RIMS2: variants seen among roughly 807,000 people sequenced by gnomAD.
RIMS2 encodes the protein regulating synaptic membrane exocytosis 2.
A neutral mutation model predicts 174.4 loss-of-function variants in RIMS2; 59 were observed. The observed-to-expected ratio is 0.34, with a 90% CI of 0.27 to 0.42. The LOEUF is 0.42. RIMS2 is among the 10% of genes least tolerant of loss of function. The pLI is 1.00. For synonymous variants in RIMS2, 606 were observed against 572.5 expected, an observed-to-expected ratio of 1.06 and a Z score of -0.84; for missense variants, 1,620 against 1,666.3, an observed-to-expected ratio of 0.97 and a Z score of 0.48.
chr8:104,225,784 G>A (rs969244809), intron 19 of RIMS2, among the ~76,000 whole-genome samples: 4 of 152,114 alleles, frequency 2.6e-5, no homozygotes, highest in African/African-American at 9.7e-5. Context: ...GGGAAACGGC[G>A]TTTTTAAAGT....
At chr8:103,928,236 C>CTAAG (rs1202932607) in intron 11 of RIMS2, among the ~76,000 whole-genome samples, 8 of 151,446 alleles carry the variant, frequency 5.3e-5, no homozygotes, top group Non-Finnish European at 1.2e-4. Context: ...CTTTATTACA[C>CTAAG]TAAGGTTGCT....
At chr8:104,072,305 G>T (rs2097209749) in intron 19 of RIMS2, among the ~76,000 whole-genome samples, 1 of 151,614 alleles carries the variant, frequency 6.6e-6, no homozygotes. Context: ...TTTGATGAGG[G>T]CTATTTAGCT....
intron 19 of RIMS2, among the ~76,000 whole-genome samples, chr8:104,030,609 C>G (rs1255589271): frequency 1.3e-5 from 2 of 152,084 alleles, no homozygotes; most frequent in African/African-American, 2.4e-5. Flanking sequence ...GACCTCCATG[C>G]TTTTCTGGAA....
At chr8:104,227,624 A>T (rs1240751652) in intron 19 of RIMS2, among the ~76,000 whole-genome samples, 2 of 152,180 alleles carry the variant, frequency 1.3e-5, no homozygotes, top group Non-Finnish European at 2.9e-5. Flanking sequence ...TACTTGGGGA[A>T]TCTGGTTTAT....
At chr8:103,931,851 A>C (rs2080023086) in intron 12 of RIMS2, among the ~76,000 whole-genome samples, 1 of 152,094 alleles carries the variant, frequency 6.6e-6, no homozygotes, top group Admixed American at 6.6e-5. Flanking sequence ...TAAATTTAAC[A>C]AGTTGTTTTG....
At chr8:103,607,582 A>T (rs563702067) in intron 1 of RIMS2, among the ~76,000 whole-genome samples, 1 of 145,872 alleles carries the variant, frequency 6.9e-6, no homozygotes, top group African/African-American at 2.6e-5. Context: ...CCTGGATAAT[A>T]TCCTGCAGAG....
At chr8:104,053,291 C>A (rs2096818011) in intron 19 of RIMS2, among the ~76,000 whole-genome samples, 1 of 152,138 alleles carries the variant, frequency 6.6e-6, no homozygotes, top group Non-Finnish European at 1.5e-5. Flanking sequence ...TACTTTATAA[C>A]TCAAGTATAC....
At chr8:103,876,110 A>C (rs1294048264) in intron 3 of RIMS2, among the ~76,000 whole-genome samples, 1 of 151,850 alleles carries the variant, frequency 6.6e-6, no homozygotes, top group Non-Finnish European at 1.5e-5. Flanking sequence ...TTTTTAGTTT[A>C]ATTAAGTCTT....
chr8:104,092,515 T>C (rs1470631051), intron 19 of RIMS2, among the ~76,000 whole-genome samples: 1 of 151,922 alleles, frequency 6.6e-6, no homozygotes, highest in African/African-American at 2.4e-5. Context: ...AATAATGCAG[T>C]AATAATACAG....
intron 17 of RIMS2, among the ~76,000 whole-genome samples, chr8:103,992,722 C>T (rs1247853449): frequency 6.6e-6 from 1 of 152,080 alleles, no homozygotes. Context: ...ACTGTGTTAT[C>T]ATTAGTCAAA....
At chr8:104,142,282 C>T (rs2098589717) in intron 19 of RIMS2, among the ~76,000 whole-genome samples, 1 of 151,962 alleles carries the variant, frequency 6.6e-6, no homozygotes, top group African/African-American at 2.4e-5. Flanking sequence ...TGCCCGCCAC[C>T]ACACCCAGCT....
At chr8:103,630,816 CAGTG>C (rs1410925281) in intron 1 of RIMS2, among the ~76,000 whole-genome samples, 3 of 151,986 alleles carry the variant, frequency 2.0e-5, no homozygotes, top group African/African-American at 7.3e-5. Context: ...AAAAGAAAAA[CAGTG>C]AGAACAGGTG....
intron 1 of RIMS2, among the ~76,000 whole-genome samples, chr8:103,689,500 A>T (rs1417544330): frequency 1.3e-5 from 2 of 152,130 alleles, no homozygotes; most frequent in Non-Finnish European, 2.9e-5. Context: ...CTCTCTCTTT[A>T]GCTCTAATAA....
intron 3 of RIMS2, among the ~76,000 whole-genome samples, chr8:103,840,962 G>T (rs1466068432): frequency 2.0e-5 from 3 of 152,206 alleles, no homozygotes; most frequent in Non-Finnish European, 2.9e-5. Flanking sequence ...ATGTATAAAA[G>T]CTTCCTGCAT....
At chr8:103,931,427 A>G (rs750348631) in intron 12 of RIMS2, 34 bp downstream of exon 14, 1 of 1,458,580 alleles carries the variant, frequency 6.9e-7, no homozygotes, top group Non-Finnish European at 9.3e-7. Flanking sequence ...TGTTCTGGAA[A>G]ATAAATGAGA....
chr8:103,768,704 A>G (rs878895285), intron 3 of RIMS2: 3 of 770,862 alleles, frequency 3.9e-6, no homozygotes, highest in African/African-American at 3.4e-5. Flanking sequence ...AGCAGAATCC[A>G]CAAACTTTTC....
At chr8:103,978,553 T>C (rs1054009244) in intron 16 of RIMS2, among the ~76,000 whole-genome samples, 1 of 152,256 alleles carries the variant, frequency 6.6e-6, no homozygotes. Context: ...TTTTGCTCAA[T>C]TGTATGCTCA....
At chr8:103,967,175 T>TTTTTG (rs1192056287) in intron 15 of RIMS2, among the ~76,000 whole-genome samples, 7 of 120,018 alleles carry the variant, frequency 5.8e-5, no homozygotes, top group African/African-American at 2.5e-4. Context: ...TTCTTGTTTT[T>TTTTTG]TTTTTTTTTT....
intron 19 of RIMS2, among the ~76,000 whole-genome samples, chr8:104,048,871 G>T (rs1401500533): frequency 6.6e-6 from 1 of 152,024 alleles, no homozygotes; most frequent in Non-Finnish European, 1.5e-5. Context: ...TTATTTTTTA[G>T]ATAAATATCA....
Sources: allele counts gnomAD v4.1 joint callset (sites outside exome capture counted in the v4.1 genomes callset), GRCh38; gene constraint gnomAD v4.1.1; transcripts MANE v1.5; gene names NCBI Gene and HGNC (gene_info 2026-07-23, HGNC 2026-07-21).